Variants in BUB1B observed in about 807,000 individuals in gnomAD.
BUB1B encodes the protein mitotic checkpoint serine/threonine-protein kinase BUB1 beta.
BUB1B carries 86 observed loss-of-function variants against 137.7 expected under a neutral mutation model. That is an observed-to-expected ratio of 0.62 (90% CI 0.52 to 0.75). BUB1B has a LOEUF of 0.75. Among genes scored for constraint, BUB1B ranks in the 30% least tolerant of loss-of-function variants. BUB1B has a pLI of 0.00. For missense variants in BUB1B, 1,130 were observed against 1,236.9 expected (o/e 0.91, Z 1.30); for synonymous variants, 420 against 417.9 (o/e 1.00, Z -0.06).
intron 4 of BUB1B, among the ~76,000 whole-genome samples, chr15:40,173,395 T>G (rs938056624): frequency 6.6e-6 from 1 of 152,016 alleles, no homozygotes; most frequent in Non-Finnish European, 1.5e-5. Context: ...TTGTTAAAAG[T>G]AACAATTAAT....
At chr15:40,203,577 C>A (rs1018492762) in intron 14 of BUB1B, among the ~76,000 whole-genome samples, 1 of 152,146 alleles carries the variant, frequency 6.6e-6, no homozygotes, top group African/African-American at 2.4e-5. Context: ...GGAAAAATCA[C>A]TAATTTTAAA....
At chr15:40,193,362 G>T (rs1279093626) in intron 8 of BUB1B, among the ~76,000 whole-genome samples, 3 of 150,284 alleles carry the variant, frequency 2.0e-5, no homozygotes, top group Non-Finnish European at 4.4e-5. Flanking sequence ...TAATAGGTGT[G>T]CAGCAGTATC....
intron 8 of BUB1B, among the ~76,000 whole-genome samples, chr15:40,194,282 G>C (rs1428398257): frequency 1.3e-5 from 2 of 152,146 alleles, no homozygotes; most frequent in Non-Finnish European, 2.9e-5. Flanking sequence ...TCTGCAAAAA[G>C]AGATAGTTTT....
chr15:40,175,034 T>C (rs1243584570), intron 4 of BUB1B, among the ~76,000 whole-genome samples: 4 of 152,352 alleles, frequency 2.6e-5, no homozygotes, highest in Non-Finnish European at 5.9e-5. Context: ...TAATGCTGAT[T>C]AGAGTCTGGT....
At chr15:40,219,006 G>A (rs956417081) in intron 22 of BUB1B, among the ~76,000 whole-genome samples, 1 of 152,178 alleles carries the variant, frequency 6.6e-6, no homozygotes, top group Non-Finnish European at 1.5e-5. Flanking sequence ...CTGCCTCCCA[G>A]GTTCAAGTGA....
chr15:40,183,604 A>G (rs2037322454), intron 5 of BUB1B, 110 bp from the exon 6 acceptor site: 3 of 946,256 alleles, frequency 3.2e-6, no homozygotes, highest in Non-Finnish European at 5.1e-6. Context: ...ATATTTCTGC[A>G]TTCTTCCCCC....
intron 8 of BUB1B, among the ~76,000 whole-genome samples, chr15:40,195,356 A>G (rs1189291143): frequency 2.0e-5 from 3 of 152,102 alleles, no homozygotes; most frequent in African/African-American, 7.2e-5. Context: ...GTAGATATAT[A>G]CCACATTTTC....
intron 15 of BUB1B, among the ~76,000 whole-genome samples, chr15:40,207,177 G>T (rs147568053): frequency 9.2e-5 from 14 of 152,314 alleles, no homozygotes; most frequent in African/African-American, 2.9e-4. Context: ...TGATAGAGAG[G>T]TGGAAATGAA....
Position 40,221,001 on chromosome 15 carries a change from G to T in BUB1B, c.*242G>T. The T allele has an allele frequency of 3.8e-6, 2 of 529,576 alleles. No homozygotes were observed. The highest frequency in any genetic ancestry group is 2.3e-5 in the South Asian group (1 of 43,876). The allele number at this position is 529,576 out of a possible 1,614,324, so 32.8% of individuals were successfully genotyped here. On this transcript the variant is annotated 3_prime_UTR_variant, in exon 23 of 23. Transcript: ENST00000287598. Reference sequence around the variant, plus strand: ...TATTCTAAACAGACTCATTACAAATGGTTACCTTGTTATTTAACCCATTTG... The same window carrying T: ...TATTCTAAACAGACTCATTACAAATTGTTACCTTGTTATTTAACCCATTTG...
chr15:40,194,579 G>T (rs183808025), intron 8 of BUB1B, among the ~76,000 whole-genome samples: 2 of 152,102 alleles, frequency 1.3e-5, no homozygotes, highest in Non-Finnish European at 2.9e-5. Flanking sequence ...GGGAAGGACC[G>T]GTATCTTTAG....
At chr15:40,187,226 C>T (rs1267995423) in intron 8 of BUB1B, among the ~76,000 whole-genome samples, 3 of 151,976 alleles carry the variant, frequency 2.0e-5, no homozygotes, top group East Asian at 1.9e-4. Context: ...CCCAGGTTCA[C>T]GCCATTCTCC....
chr15:40,171,028 T>C (rs2140882065), intron 4 of BUB1B, among the ~76,000 whole-genome samples: 1 of 152,252 alleles, frequency 6.6e-6, no homozygotes, highest in African/African-American at 2.4e-5. Flanking sequence ...CTAAACCTCC[T>C]GGGCTCAAGC....
intron 9 of BUB1B, among the ~76,000 whole-genome samples, chr15:40,198,162 C>G (rs567967861): frequency 1.3e-3 from 202 of 151,662 alleles, no homozygotes; most frequent in Non-Finnish European, 2.7e-3. Context: ...GAAGGACCTA[C>G]TCTAGATTAC....
chr15:40,179,967 C>CATATAT (rs34339420), intron 5 of BUB1B, among the ~76,000 whole-genome samples: 3,876 of 143,510 alleles, frequency 0.027, 143 homozygotes, highest in African/African-American at 0.084. Context: ...TTTCAAAAGC[C>CATATAT]ATATATATAT....
chr15:40,185,688 G>T, intron 8 of BUB1B, 46 bp downstream of exon 8: 1 of 1,551,230 alleles, frequency 6.4e-7, no homozygotes, highest in Non-Finnish European at 8.9e-7. Flanking sequence ...TATTAAGGGT[G>T]GGCAGAGGCA....
In BUB1B at chr15:40,220,799, A is replaced by T; in HGVS notation, c.*40A>T. Reference sequence around the variant, plus strand: ...TCTCACAGATTGCTGCCTCAGAGCAATGGTTGTATTGTGGAACACTGAAAC... The same window carrying T: ...TCTCACAGATTGCTGCCTCAGAGCATTGGTTGTATTGTGGAACACTGAAAC... On this transcript the variant is annotated 3_prime_UTR_variant, in exon 23 of 23. Transcript: ENST00000287598. 1 of 1,585,706 alleles carries T rather than the reference A, an allele frequency of 6.3e-7. No homozygotes were observed. The highest frequency in any genetic ancestry group is 8.7e-7 in the Non-Finnish European group (1 of 1,154,254).
intron 22 of BUB1B, among the ~76,000 whole-genome samples, chr15:40,220,227 C>T (rs1342145923): frequency 1.3e-5 from 2 of 152,182 alleles, no homozygotes; most frequent in Non-Finnish European, 2.9e-5. Context: ...TTTTTAATGA[C>T]CTAGACTCTA....
chr15:40,167,628 A>G (rs1330540856), intron 2 of BUB1B, among the ~76,000 whole-genome samples: 4 of 152,310 alleles, frequency 2.6e-5, no homozygotes, highest in Non-Finnish European at 5.9e-5. Context: ...GGCATGAGCC[A>G]CTGCGTCCAG....
intron 4 of BUB1B, among the ~76,000 whole-genome samples, chr15:40,175,154 G>A (rs544634654): frequency 6.6e-6 from 1 of 152,192 alleles, no homozygotes; most frequent in East Asian, 1.9e-4. Context: ...TCTCTTAAGG[G>A]AATAATGTAA....
Sources: allele counts gnomAD v4.1 joint callset (sites outside exome capture counted in the v4.1 genomes callset), GRCh38; gene constraint gnomAD v4.1.1; transcripts MANE v1.5; gene names NCBI Gene and HGNC (gene_info 2026-07-23, HGNC 2026-07-21).